The following LYSMD2 variants were observed in gnomAD, a reference collection of about 807,000 sequenced individuals.
LYSMD2 encodes LysM domain containing 2.
Under a neutral mutation model 17.7 loss-of-function variants are expected in LYSMD2, and 6 were observed. The observed-to-expected ratio is 0.34, with a 90% CI of 0.19 to 0.67. LYSMD2 has a LOEUF of 0.67. LYSMD2 is among the 30% of genes least tolerant of loss of function. LYSMD2 has a pLI of 0.69. For missense variants in LYSMD2, 237 were observed against 286.7 expected, an observed-to-expected ratio of 0.83 and a Z score of 1.25; for synonymous variants, 102 against 129.8, an observed-to-expected ratio of 0.79 and a Z score of 1.45.
rs759623630 is a variant in LYSMD2 at position 51,723,343 on chromosome 15, C to T, written c.*264G>A. ...TTATGTCAATTAGTATTTATAAAAG[C>T]TAGTCTAAAAACTAACACCACCTAC... On this transcript the variant is annotated 3_prime_UTR_variant, in exon 3 of 3. Transcript: ENST00000267838. 2.7e-5 allele frequency: 9 copies of T among 332,498 alleles called. No individual in the cohort carries two copies. The highest frequency in any genetic ancestry group is 8.3e-4 in the Middle Eastern group (1 of 1,212). The allele number at this position is 332,498 out of a possible 1,614,324, so 20.6% of individuals were successfully genotyped here.
intron 1 of LYSMD2, among the ~76,000 whole-genome samples, chr15:51,729,063 A>T (rs1243400274): frequency 2.0e-5 from 3 of 152,276 alleles, no homozygotes; most frequent in African/African-American, 7.2e-5. Flanking sequence ...CCAAATGCAT[A>T]GGCTCTAAAC....
intron 1 of LYSMD2, among the ~76,000 whole-genome samples, chr15:51,744,962 GAAT>G (rs1426911959): frequency 6.6e-6 from 1 of 151,904 alleles, no homozygotes; most frequent in African/African-American, 2.4e-5. Flanking sequence ...GAAATAAAAA[GAAT>G]AATAAAGAAT....
rs182278304 is a variant in LYSMD2, at chr15:51,727,688, C to A, written c.274-2567G>T. The stretch of plus-strand genomic sequence containing the variant: ...AGGCTGTGTGCAGTCAGGGAGTCCA[C>A]AGGCAGTGAAGGGCTAGGCTCCCCC... On this transcript the variant is annotated intron_variant, in intron 1 of 2. Transcript: ENST00000267838. Among the ~76,000 whole-genome samples the A allele has an allele frequency of 5.9e-5, 9 of 152,324 alleles. No homozygotes were observed. The East Asian group carries it at 1.7e-3, about 29-fold the overall frequency.
At chr15:51,737,757 C>G, upstream of LYSMD2, 2 of 652,590 alleles carry the variant, frequency 3.1e-6, no homozygotes, top group Non-Finnish European at 4.2e-6. The surrounding 1 kb of genome is among the most constrained non-coding windows in gnomAD (Gnocchi z 4.2). Flanking sequence ...GACGGGAAGC[C>G]GAGGCGGGGA....
Position 51,736,205 on chromosome 15 carries a change from G to A in LYSMD2, c.273+1145C>T, listed in dbSNP as rs572328378. The stretch of plus-strand genomic sequence containing the variant: ...ATGCCTGCCACACAGGAGGCATTCA[G>A]CAGAGGGTAGCTACTGGTATTTCCC... On this transcript the variant is annotated intron_variant, in intron 1 of 2. Transcript: ENST00000267838. Among the ~76,000 whole-genome samples the A allele has an allele frequency of 3.7e-4, 56 of 152,316 alleles. 2 individuals are homozygous for A. In the South Asian group the frequency reaches 0.011, roughly 31 times the overall value.
chr15:51,747,350 G>C (rs886884941), intron 1 of LYSMD2, among the ~76,000 whole-genome samples: 1 of 152,176 alleles, frequency 6.6e-6, no homozygotes, highest in East Asian at 1.9e-4. Context: ...AATTAGCCAG[G>C]CGTGGTGGCG....
rs531295413 is a variant in LYSMD2 at position 51,751,302 on chromosome 15, A to AGGATGCTCGCTCACAG, written c.-48_-33dup. ...CCGCTCTCAACGCGGCTTCCGTGTC[A>AGGATGCTCGCTCACAG]GGATGCTCGCTCACAGGAATGCTCA... On this transcript the variant is annotated 5_prime_UTR_variant, in exon 1 of 3. Coordinates refer to the LYSMD2 transcript ENST00000454181. 428 of 702,472 alleles carry AGGATGCTCGCTCACAG rather than the reference A, an allele frequency of 6.1e-4. 5 individuals are homozygous for AGGATGCTCGCTCACAG. In the South Asian group the frequency reaches 6.2e-3, roughly 10 times the overall value. The allele number at this position is 702,472 out of a possible 1,614,324, so 43.5% of individuals were successfully genotyped here. A position where few individuals can be genotyped will look rare whatever the true frequency, so the allele number is the denominator to read the frequency against.
chr15:51,731,968 G>A (rs779815164), intron 1 of LYSMD2, among the ~76,000 whole-genome samples: 1 of 152,108 alleles, frequency 6.6e-6, no homozygotes, highest in Non-Finnish European at 1.5e-5. Context: ...TATATTTAAC[G>A]GTTACTCAAC....
intron 1 of LYSMD2, among the ~76,000 whole-genome samples, chr15:51,729,487 C>T (rs2141593969): frequency 6.6e-6 from 1 of 152,350 alleles, no homozygotes; most frequent in African/African-American, 2.4e-5. Context: ...GAGATGCAGT[C>T]TCGCTCTGTC....
At chr15:51,740,416 C>T (rs1164014531), upstream of LYSMD2, among the ~76,000 whole-genome samples, 2 of 152,112 alleles carry the variant, frequency 1.3e-5, no homozygotes, top group Non-Finnish European at 2.9e-5. Context: ...AAAGATGAAA[C>T]ATTAAAAGCA....
upstream of LYSMD2, chr15:51,737,775 G>T: frequency 5.8e-6 from 3 of 515,264 alleles, no homozygotes. This position sits in a 1 kb window ranked among gnomAD's most constrained non-coding sequence, Gnocchi z 4.2. Context: ...GGAGCCGCAG[G>T]CCGGGCATGG....
upstream of LYSMD2, among the ~76,000 whole-genome samples, chr15:51,742,198 C>T (rs1204246846): frequency 6.6e-6 from 1 of 152,042 alleles, no homozygotes; most frequent in African/African-American, 2.4e-5. Flanking sequence ...CACCGCCATG[C>T]CCAGCTGATT....
intron 1 of LYSMD2, among the ~76,000 whole-genome samples, chr15:51,728,843 C>G (rs1240414225): frequency 6.6e-6 from 1 of 151,592 alleles, no homozygotes; most frequent in South Asian, 2.1e-4. Flanking sequence ...GTACTCCACC[C>G]TGGGTGACAG....
At chr15:51,736,524 T>C (rs566082527) in intron 1 of LYSMD2, among the ~76,000 whole-genome samples, 41 of 152,350 alleles carry the variant, frequency 2.7e-4, no homozygotes, top group African/African-American at 9.4e-4. Context: ...GGGAAAGATA[T>C]AGATAAGATC....
intron 1 of LYSMD2, among the ~76,000 whole-genome samples, chr15:51,747,219 A>G (rs139934715): frequency 1.1e-4 from 17 of 148,070 alleles, no homozygotes; most frequent in African/African-American, 3.5e-4. Flanking sequence ...AACAACAACA[A>G]CAACAACAAA....
At chr15:51,733,773 T>G (rs1259941979) in intron 1 of LYSMD2, among the ~76,000 whole-genome samples, 1 of 152,182 alleles carries the variant, frequency 6.6e-6, no homozygotes, top group Non-Finnish European at 1.5e-5. Flanking sequence ...GCAGGTCACA[T>G]GCCCATGAAG....
At chr15:51,747,511 T>G (rs954991919) in intron 1 of LYSMD2, among the ~76,000 whole-genome samples, 1 of 152,338 alleles carries the variant, frequency 6.6e-6, no homozygotes, top group African/African-American at 2.4e-5. Flanking sequence ...ATAATAATTT[T>G]AGAAAACAGA....
chr15:51,750,435 T>C (rs760996363), intron 1 of LYSMD2, among the ~76,000 whole-genome samples: 2 of 152,234 alleles, frequency 1.3e-5, no homozygotes, highest in African/African-American at 4.8e-5. Context: ...AAATTTCATA[T>C]AGAGATTACA....
At chr15:51,733,884 T>C (rs1567228759) in intron 1 of LYSMD2, among the ~76,000 whole-genome samples, 1 of 152,040 alleles carries the variant, frequency 6.6e-6, no homozygotes, top group Non-Finnish European at 1.5e-5. Flanking sequence ...CAGCCATGCT[T>C]GTTAAAAATG....
Sources: allele counts gnomAD v4.1 joint callset (sites outside exome capture counted in the v4.1 genomes callset), GRCh38; gene constraint gnomAD v4.1.1; non-coding constraint Gnocchi (gnomAD v3.1); transcripts MANE v1.5; gene names NCBI Gene and HGNC (gene_info 2026-07-23, HGNC 2026-07-21).